Variants in USP20 observed in about 807,000 individuals in gnomAD.
USP20 encodes ubiquitin specific peptidase 20.
Under a neutral mutation model 124.2 loss-of-function variants are expected in USP20, and 80 were observed. That is an observed-to-expected ratio of 0.64 (90% CI 0.54 to 0.78). The LOEUF is 0.78. Among genes scored for constraint, USP20 ranks in the 30% least tolerant of loss-of-function variants. USP20 has a pLI of 0.00. For missense variants in USP20, 1,043 were observed against 1,244.4 expected, an observed-to-expected ratio of 0.84 and a Z score of 2.44; for synonymous variants, 481 against 512.3, an observed-to-expected ratio of 0.94 and a Z score of 0.83.
intron 1 of USP20, among the ~76,000 whole-genome samples, chr9:129,836,609 A>C (rs529521807): frequency 6.6e-6 from 1 of 152,286 alleles, no homozygotes; most frequent in East Asian, 1.9e-4. Context: ...GACCATTCCG[A>C]AGCAGGGCAG....
intron 1 of USP20, among the ~76,000 whole-genome samples, chr9:129,845,417 T>G (rs2032481879): frequency 6.6e-6 from 1 of 152,170 alleles, no homozygotes. Flanking sequence ...TTTTGGTTTG[T>G]TTTTGTTTTT....
intron 1 of USP20, among the ~76,000 whole-genome samples, chr9:129,848,888 C>A (rs1212246949): frequency 1.3e-5 from 2 of 152,180 alleles, no homozygotes; most frequent in African/African-American, 4.8e-5. Flanking sequence ...CTGTCATTGT[C>A]ATGTGACTAT....
In USP20 at chr9:129,869,424, G is replaced by A. The variant is rs774752416; in HGVS notation, c.1391G>A (p.Arg464Gln). The change falls in exon 13 of 26, where the codon CGG becomes CAG. Residue 464 changes from arginine to glutamine, a missense_variant and splice_region_variant. Arg to Gln is a conservative substitution (Grantham distance 43, BLOSUM62 1). Coordinates refer to ENST00000372429, the MANE Select transcript of USP20 (RefSeq NM_001110303.4). ...LSLVQCLTCD[R>Q]VSTTVETFQD... ...CTTGTGCAGTGTCTCACCTGTGACC[G>A]GGTGGGTGCCCCAGGGATGGGGGGA... The A allele has an allele frequency of 2.0e-5, 32 of 1,612,988 alleles. No homozygotes were observed. Among genetic ancestry groups the A allele is most frequent in the Admixed American group, 3.3e-5 (2 of 60,004 alleles).
rs1169724263 is a variant in USP20 at position 129,846,245 on chromosome 9, A to ATTTT, written c.-128-3567_-128-3566insTTTT. 1.5e-3 allele frequency among the ~76,000 whole-genome samples: 66 copies of ATTTT among 43,392 alleles called. 3 individuals are homozygous for ATTTT. The highest frequency in any genetic ancestry group is 2.7e-3 in the Admixed American group (6 of 2,206). 28.5% of individuals were successfully genotyped at this position (43,392 alleles called of 152,430 possible). ...CGCCCAGCCATATATATATATATATATATTTTTTTTTTTTTTTTTTTTTTT... is the reference window on the plus strand; with the variant it reads ...CGCCCAGCCATATATATATATATATATTTTTATTTTTTTTTTTTTTTTTTTTTTT... On this transcript the variant is annotated intron_variant, in intron 1 of 25. Transcript: ENST00000372429.
intron 15 of USP20, among the ~76,000 whole-genome samples, chr9:129,871,297 C>T (rs1298626180): frequency 6.6e-6 from 1 of 150,920 alleles, no homozygotes; most frequent in Non-Finnish European, 1.5e-5. Context: ...ACGGCTTTTA[C>T]TGAGCATAAC....
chr9:129,876,580 A>C (rs1306295406), intron 22 of USP20, among the ~76,000 whole-genome samples: 1 of 151,534 alleles, frequency 6.6e-6, no homozygotes, highest in African/African-American at 2.4e-5. Flanking sequence ...CGGAGGTTTC[A>C]GTGAGCTGAG....
At chr9:129,861,498 G>T (rs905216712) in intron 7 of USP20, 45 bp from the exon 8 acceptor site, 2 of 1,586,580 alleles carry the variant, frequency 1.3e-6, no homozygotes, top group East Asian at 2.2e-5. Context: ...TTCCTCGGTG[G>T]GGCAGGGTGC....
intron 1 of USP20, among the ~76,000 whole-genome samples, chr9:129,847,387 C>G (rs2032643547): frequency 1.3e-5 from 2 of 151,538 alleles, no homozygotes; most frequent in Admixed American, 1.3e-4. Context: ...ACTGCAGCCT[C>G]CGCCTCCCAG....
chr9:129,873,454 C>T, intron 15 of USP20, 28 bp from the exon 16 acceptor site: 1 of 1,614,072 alleles, frequency 6.2e-7, no homozygotes, highest in Non-Finnish European at 8.5e-7. Context: ...TCCTTGCTAA[C>T]CTCTGACCCT....
At chr9:129,876,364 C>A in intron 22 of USP20, 126 bp downstream of exon 22, 1 of 737,958 alleles carries the variant, frequency 1.4e-6, no homozygotes, top group Non-Finnish European at 2.3e-6. Flanking sequence ...TGAGGCTGGG[C>A]ATGGTGGCTC....
At position 129,872,891 on chromosome 9, in the gene USP20, T is replaced by TC. The variant is rs113312283; in HGVS notation, c.1661-588dup. Among the ~76,000 whole-genome samples, 658 of 151,550 alleles carry TC rather than the reference T, an allele frequency of 4.3e-3. 1 individual carries two copies. The highest frequency in any genetic ancestry group is 0.013 in the African/African-American group (519 of 41,306). ...CATTTTCTGTAATTAATGTTGCACT[T>TC]CCCACCCCACCTCCATTTTGCCTTT... On this transcript the variant is annotated intron_variant, in intron 15 of 25. Transcript: ENST00000372429.
rs1204387311 is a variant in USP20 at position 129,869,608 on chromosome 9, G to C, written c.1393-64G>C. On this transcript the variant is annotated intron_variant, in intron 13 of 25. Coordinates refer to ENST00000372429, the MANE Select transcript of USP20 (RefSeq NM_001110303.4). ...GTAGTCCCTCTGCCCCTCACCTGCT[G>C]CTTGGGGTTTGGGGTGCAGACATTG... 1.9e-6 allele frequency: 3 copies of C among 1,598,210 alleles called. No individual in the cohort carries two copies. The African/African-American group carries it at 4.0e-5, about 21-fold the overall frequency.
In USP20 at chr9:129,868,454, C is replaced by T. The variant is rs117803327; in HGVS notation, c.1135+5C>T. On this transcript the variant is annotated splice_donor_5th_base_variant and intron_variant, in intron 11 of 25. Coordinates refer to ENST00000372429, the MANE Select transcript of USP20 (RefSeq NM_001110303.4). Reference sequence around the variant, plus strand: ...CCAGCCCCTGCCGGACGCCAGGTATCAGCTGGCCGGGGACTGCGGGAGGAA... The same window carrying T: ...CCAGCCCCTGCCGGACGCCAGGTATTAGCTGGCCGGGGACTGCGGGAGGAA... 0.017 allele frequency: 27,255 copies of T among 1,608,242 alleles called. 299 individuals are homozygous for T. Among genetic ancestry groups the T allele is most frequent in the East Asian group, 0.024 (1,081 of 44,778 alleles).
At position 129,835,492 on chromosome 9, in the gene USP20, G is replaced by A. The variant is rs1026749987; in HGVS notation, c.-136G>A. Reference sequence around the variant, plus strand: ...TGACAGGCGGCGGCGGCGCAGTTGCGAGTGCAGGTGAGTTCCGGGCCGCCA... The same window carrying A: ...TGACAGGCGGCGGCGGCGCAGTTGCAAGTGCAGGTGAGTTCCGGGCCGCCA... On this transcript the variant is annotated 5_prime_UTR_variant, in exon 1 of 26. Coordinates refer to ENST00000372429, the MANE Select transcript of USP20 (RefSeq NM_001110303.4). 5.3e-6 allele frequency: 2 copies of A among 380,508 alleles called. No individual in the cohort carries two copies. Among genetic ancestry groups the A allele is most frequent in the African/African-American group, 2.2e-5 (1 of 46,294 alleles). 23.6% of individuals were successfully genotyped at this position (380,508 alleles called of 1,614,324 possible).
chr9:129,841,645 G>A (rs2032220137), intron 1 of USP20, among the ~76,000 whole-genome samples: 1 of 152,174 alleles, frequency 6.6e-6, no homozygotes, highest in Non-Finnish European at 1.5e-5. Flanking sequence ...GAACCTTCAC[G>A]TTGCAGGGAA....
rs146562769 is a variant in USP20, at chr9:129,840,538, A to G, written c.-129+5039A>G. Among the ~76,000 whole-genome samples, 1,253 of 152,340 alleles carry G rather than the reference A, an allele frequency of 8.2e-3. 5 individuals carry two copies. Among genetic ancestry groups the G allele is most frequent in the Middle Eastern group, 0.027 (8 of 294 alleles). The stretch of plus-strand genomic sequence containing the variant: ...AAAGTCAAACTTAAGAAAAATTACA[A>G]GAATACAATGAACTCCCACATACCC... On this transcript the variant is annotated intron_variant, in intron 1 of 25. Coordinates refer to ENST00000372429, the MANE Select transcript of USP20 (RefSeq NM_001110303.4).
intron 8 of USP20, among the ~76,000 whole-genome samples, chr9:129,862,662 T>C (rs2131071313): frequency 6.6e-6 from 1 of 152,236 alleles, no homozygotes; most frequent in East Asian, 1.9e-4. Flanking sequence ...TCCCAGCACT[T>C]TGGGAGGTCA....
intron 22 of USP20, 131 bp downstream of exon 22, chr9:129,876,369 T>A: frequency 1.4e-6 from 1 of 722,508 alleles, no homozygotes; most frequent in Non-Finnish European, 2.3e-6. Context: ...CTGGGCATGG[T>A]GGCTCACACC....
chr9:129,840,285 C>A (rs139646709), intron 1 of USP20, among the ~76,000 whole-genome samples: 6 of 151,982 alleles, frequency 3.9e-5, no homozygotes, highest in African/African-American at 1.5e-4. Flanking sequence ...GCAGACACAA[C>A]CTGCTCGCTT....
Sources: gnomAD v4.1 joint callset for allele counts (sites outside exome capture counted in the v4.1 genomes callset) on GRCh38, gnomAD v4.1.1 for gene constraint, MANE v1.5 for transcripts, NCBI Gene and HGNC (gene_info 2026-07-23, HGNC 2026-07-21) for gene names.